The following TBC1D2B variants were observed in gnomAD, a reference collection of about 807,000 sequenced individuals.
TBC1D2B encodes the protein TBC1 domain family, member 2B.
In TBC1D2B, 64 loss-of-function variants were observed where a neutral mutation model predicts 100.8. The observed-to-expected ratio is 0.64, with a 90% CI of 0.52 to 0.78. The LOEUF (loss-of-function observed/expected upper bound fraction) is 0.78, where lower values mean the gene tolerates loss of function less well. Ranked by LOEUF, TBC1D2B falls within the 30% of genes least tolerant of loss-of-function variation. The pLI, the probability that TBC1D2B is intolerant of heterozygous loss-of-function variation, is 0.00. For missense variants in TBC1D2B, 1,052 were observed against 1,218.4 expected, an observed-to-expected ratio of 0.86 and a Z score of 2.03; for synonymous variants, 480 against 479.7, an observed-to-expected ratio of 1.00 and a Z score of -0.01.
intron 4 of TBC1D2B, among the ~76,000 whole-genome samples, chr15:78,027,352 G>A (rs542151957): frequency 3.3e-5 from 5 of 152,246 alleles, no homozygotes; most frequent in African/African-American, 1.2e-4. Context: ...AATTCACTGA[G>A]CTATACATTT....
intron 2 of TBC1D2B, among the ~76,000 whole-genome samples, chr15:78,047,535 C>T (rs1038476372): frequency 6.6e-6 from 1 of 152,092 alleles, no homozygotes; most frequent in Non-Finnish European, 1.5e-5. Context: ...AGGATGGGGG[C>T]CCCATGCTCA....
In TBC1D2B at chr15:78,013,031, C is replaced by T; in HGVS notation, c.2062G>A (p.Glu688Lys). 1.9e-6 allele frequency: 3 copies of T among 1,613,386 alleles called. No individual in the cohort carries two copies. The highest frequency in any genetic ancestry group is 2.5e-6 in the Non-Finnish European group (3 of 1,179,344). The change falls in exon 9 of 13, where the codon GAG (glutamate) becomes AAG (lysine). Residue 688 changes from glutamate (E) to lysine (K), a missense_variant. By Grantham distance (56) the Glu-to-Lys change is moderately conservative (BLOSUM62 1). This residue lies in a region of TBC1D2B where 373 missense variants were observed against 464.9 expected (regional missense o/e 0.80). Coordinates refer to ENST00000300584, the MANE Select transcript of TBC1D2B (RefSeq NM_144572.2). Reference protein sequence around the residue: ...RHTRKFKDNTEPGHFQTLLQK... With the variant: ...RHTRKFKDNTKPGHFQTLLQK... ...AGCAAGGTCTGGAAGTGGCCAGGCT[C>T]AGTGTTGTCCTTGAACTTCCTGGTG...
intron 4 of TBC1D2B, among the ~76,000 whole-genome samples, chr15:78,026,108 T>C (rs1424249545): frequency 6.6e-6 from 1 of 151,436 alleles, no homozygotes; most frequent in Non-Finnish European, 1.5e-5. Context: ...AATTTGTCCT[T>C]AGCAAAAAAG....
intron 6 of TBC1D2B, among the ~76,000 whole-genome samples, chr15:78,018,414 C>T (rs150461365): frequency 2.1e-4 from 32 of 152,256 alleles, no homozygotes; most frequent in African/African-American, 7.5e-4. Context: ...CATACATATA[C>T]AGCCCATAAC....
chr15:78,030,162 A>C lies in TBC1D2B; in HGVS notation c.692T>G (p.Met231Arg). The C allele has an allele frequency of 1.2e-6, 2 of 1,606,214 alleles. No individual in the cohort carries two copies. Among genetic ancestry groups the C allele is most frequent in the Admixed American group, 1.7e-5 (1 of 57,988 alleles). The change falls in exon 4 of 13, where the codon ATG (methionine) becomes AGG (arginine). Residue 231 changes from methionine to arginine, a missense_variant. By Grantham distance (91) the Met-to-Arg change is moderately conservative (BLOSUM62 -1). Coordinates refer to ENST00000300584, the MANE Select transcript of TBC1D2B (RefSeq NM_144572.2). The part of the protein sequence containing the change: ...KQWGNELKNS[M>R]SSFRPGRGHN... ...TCCTCTCCCAGGACGGAAAGAAGACATCGAATTCCTGTTGGGAAAAACAAT... is the reference window on the plus strand; with the variant it reads ...TCCTCTCCCAGGACGGAAAGAAGACCTCGAATTCCTGTTGGGAAAAACAAT...
intron 1 of TBC1D2B, among the ~76,000 whole-genome samples, chr15:78,063,818 T>A (rs1006089520): frequency 2.6e-5 from 4 of 152,128 alleles, no homozygotes; most frequent in African/African-American, 9.7e-5. Context: ...TCTCTCAGAT[T>A]CATGCATCCT....
At chr15:78,032,425 T>C (rs62011482) in intron 3 of TBC1D2B, among the ~76,000 whole-genome samples, 1 of 151,140 alleles carries the variant, frequency 6.6e-6, no homozygotes, top group Non-Finnish European at 1.5e-5. Context: ...AAAATATATA[T>C]ATATATATCC....
At chr15:78,041,441 A>G (rs1352030991) in intron 3 of TBC1D2B, among the ~76,000 whole-genome samples, 2 of 152,222 alleles carry the variant, frequency 1.3e-5, no homozygotes, top group African/African-American at 4.8e-5. Flanking sequence ...TCTACTGAGG[A>G]ACCTTAAAAT....
Position 78,021,517 on chromosome 15 carries a change from G to A in TBC1D2B, c.1470+2639C>T, listed in dbSNP as rs144595893. ...CCAGTTCTCCCAGTGCCACTGCAGA[G>A]GAGACCTGCATGAGGTGTGAACACC... On this transcript the variant is annotated intron_variant, in intron 6 of 12. Transcript: ENST00000300584. Among the ~76,000 whole-genome samples the A allele has an allele frequency of 9.9e-3, 1,508 of 152,252 alleles. 32 individuals are homozygous for A. The highest frequency in any genetic ancestry group is 0.034 in the African/African-American group (1,427 of 41,536).
At position 78,001,738 on chromosome 15, in the gene TBC1D2B, A is replaced by G; in HGVS notation, c.2577T>C (p.Val859=). The change falls in exon 12 of 13, where the codon GTT becomes GTC. Residue 859 remains valine, a splice_region_variant and synonymous_variant. Transcript: ENST00000300584. ...WDSFLYEGPK[V]IFRFALALFK... ...AAAGTGCCAGAGCAAAACGGAAAAT[A>G]ACCTGTGGAATAAACAGGGAAATCT... 1.2e-6 allele frequency: 2 copies of G among 1,605,174 alleles called. No homozygotes were observed. Among genetic ancestry groups the G allele is most frequent in the South Asian group, 2.2e-5 (2 of 89,250 alleles).
chr15:78,022,971 G>A (rs954442636), intron 6 of TBC1D2B, among the ~76,000 whole-genome samples: 1 of 152,182 alleles, frequency 6.6e-6, no homozygotes, highest in Non-Finnish European at 1.5e-5. Context: ...GGTGTTGTCA[G>A]TGAGAAGTGG....
At chr15:78,014,486 T>C (rs2072317125) in intron 8 of TBC1D2B, among the ~76,000 whole-genome samples, 1 of 152,190 alleles carries the variant, frequency 6.6e-6, no homozygotes, top group Non-Finnish European at 1.5e-5. Context: ...ATATGGACCA[T>C]GATGGTCCTT....
chr15:78,018,543 G>A (rs933762711), intron 6 of TBC1D2B, among the ~76,000 whole-genome samples: 3 of 152,150 alleles, frequency 2.0e-5, no homozygotes, highest in African/African-American at 7.2e-5. Context: ...AAAGTACAAT[G>A]AACACAATAT....
At chr15:78,046,665 G>A (rs948772036) in intron 2 of TBC1D2B, among the ~76,000 whole-genome samples, 4 of 151,836 alleles carry the variant, frequency 2.6e-5, no homozygotes, top group African/African-American at 9.7e-5. Context: ...TAGAGACAGG[G>A]TTTGCCATAT....
intron 3 of TBC1D2B, chr15:78,034,568 G>A: frequency 1.0e-6 from 1 of 985,366 alleles, no homozygotes; most frequent in Non-Finnish European, 1.2e-6. Flanking sequence ...CCCCCACACG[G>A]CCTGGGGAGA....
chr15:78,019,264 C>T (rs1200891905), intron 6 of TBC1D2B, among the ~76,000 whole-genome samples: 1 of 152,194 alleles, frequency 6.6e-6, no homozygotes, highest in African/African-American at 2.4e-5. Flanking sequence ...CCGTGCTAGG[C>T]ATGTGAGATT....
intron 4 of TBC1D2B, among the ~76,000 whole-genome samples, chr15:78,026,706 G>A (rs960120103): frequency 1.1e-4 from 17 of 151,954 alleles, no homozygotes; most frequent in African/African-American, 2.9e-4. Context: ...ACCTGAGGTC[G>A]GGAGTTCGAG....
chr15:78,030,011 G>A lies in TBC1D2B; in HGVS notation c.843C>T (p.Asn281=), dbSNP rs1341039320. Residue 281 remains asparagine, a synonymous_variant, in exon 4 of 13, where the codon AAC becomes AAT. Coordinates refer to ENST00000300584, the MANE Select transcript of TBC1D2B (RefSeq NM_144572.2). ...EEKKKLTPEG[N]KGVTGSGFPF... ...CAACAGGAAGTACATTGATACCTTT[G>A]TTTCCTTCAGGGGTCAGCTTCTTCT... 1 of 1,605,354 alleles carries A rather than the reference G, an allele frequency of 6.2e-7. No individual in the cohort carries two copies. The highest frequency in any genetic ancestry group is 1.7e-5 in the Admixed American group (1 of 58,060).
At chr15:78,022,345 C>A (rs1486494248) in intron 6 of TBC1D2B, among the ~76,000 whole-genome samples, 1 of 152,036 alleles carries the variant, frequency 6.6e-6, no homozygotes, top group Non-Finnish European at 1.5e-5. Flanking sequence ...GGCAAAAGAG[C>A]AAGACACTGT....
Sources: gnomAD v4.1 joint callset for allele counts (sites outside exome capture counted in the v4.1 genomes callset) on GRCh38, gnomAD v4.1.1 for gene constraint, gnomAD v4.1.1 regional missense constraint, MANE v1.5 for transcripts, NCBI Gene and HGNC (gene_info 2026-07-23, HGNC 2026-07-21) for gene names.